SH2D4A: variants seen among roughly 807,000 people sequenced by gnomAD.
SH2D4A encodes the protein SH2 domain containing 4A.
SH2D4A carries 70 observed loss-of-function variants against 64.7 expected under a neutral mutation model. The observed-to-expected ratio is 1.08, with a 90% CI of 0.89 to 1.32. The LOEUF (loss-of-function observed/expected upper bound fraction) is 1.32, where lower values mean the gene tolerates loss of function less well. SH2D4A is among the 40% of genes most tolerant of loss of function. The pLI is 0.00. For synonymous variants in SH2D4A, 268 were observed against 200.7 expected, an observed-to-expected ratio of 1.34 and a Z score of -2.83; for missense variants, 706 against 540.1, an observed-to-expected ratio of 1.31 and a Z score of -3.04.
chr8:19,340,130 A>C (rs1254671125), intron 4 of SH2D4A, among the ~76,000 whole-genome samples: 1 of 152,146 alleles, frequency 6.6e-6, no homozygotes, highest in Non-Finnish European at 1.5e-5. Flanking sequence ...GTTCCAGCTG[A>C]GGAACAGTGT....
intron 1 of SH2D4A, among the ~76,000 whole-genome samples, chr8:19,315,874 C>T (rs1380820765): frequency 6.6e-5 from 10 of 152,220 alleles, no homozygotes; most frequent in African/African-American, 2.4e-4. Context: ...CTTCGCTTCA[C>T]AGTAGATTAT....
intron 8 of SH2D4A, among the ~76,000 whole-genome samples, chr8:19,390,652 A>G (rs2053477229): frequency 6.6e-6 from 1 of 152,186 alleles, no homozygotes; most frequent in Non-Finnish European, 1.5e-5. Context: ...TACCACTTGG[A>G]TCATTCAAAG....
chr8:19,384,090 G>A (rs181431479), intron 8 of SH2D4A, among the ~76,000 whole-genome samples: 1 of 152,242 alleles, frequency 6.6e-6, no homozygotes, highest in Admixed American at 6.5e-5. Flanking sequence ...GTGTAACTAA[G>A]CAGCACTTCA....
intron 8 of SH2D4A, among the ~76,000 whole-genome samples, chr8:19,386,035 C>T (rs570571718): frequency 6.6e-6 from 1 of 152,222 alleles, no homozygotes; most frequent in African/African-American, 2.4e-5. Context: ...ATGACTCACA[C>T]ATTTTATGGC....
intron 2 of SH2D4A, among the ~76,000 whole-genome samples, chr8:19,332,250 G>A (rs1428724490): frequency 6.6e-6 from 1 of 152,170 alleles, no homozygotes; most frequent in Non-Finnish European, 1.5e-5. Flanking sequence ...TTAGATGTAA[G>A]AATTTATGGT....
chr8:19,335,681 T>C (rs1275116784), intron 4 of SH2D4A, among the ~76,000 whole-genome samples: 1 of 152,224 alleles, frequency 6.6e-6, no homozygotes, highest in South Asian at 2.1e-4. Context: ...TTAGCCTTTT[T>C]GTTGCGGATT....
intron 1 of SH2D4A, among the ~76,000 whole-genome samples, chr8:19,317,123 G>C (rs1483012000): frequency 6.6e-6 from 1 of 152,116 alleles, no homozygotes; most frequent in Non-Finnish European, 1.5e-5. Flanking sequence ...ATCTTCTGCC[G>C]TGTGTGATTT....
At chr8:19,372,590 T>C (rs560493845) in intron 7 of SH2D4A, among the ~76,000 whole-genome samples, 4 of 152,336 alleles carry the variant, frequency 2.6e-5, no homozygotes, top group African/African-American at 7.2e-5. Flanking sequence ...CAGGTGCCTC[T>C]ACAGACAGGA....
chr8:19,380,819 T>A (rs79100563), intron 8 of SH2D4A, among the ~76,000 whole-genome samples: 1,755 of 152,262 alleles, frequency 0.012, 36 homozygotes, highest in African/African-American at 0.041. Flanking sequence ...CGTCTTCCTG[T>A]TTTTTCTTCT....
intron 1 of SH2D4A, among the ~76,000 whole-genome samples, chr8:19,316,355 G>C (rs927340506): frequency 1.3e-5 from 2 of 152,230 alleles, no homozygotes; most frequent in Non-Finnish European, 2.9e-5. Context: ...TCATCACAGA[G>C]GTGCCATGAA....
At chr8:19,382,734 G>A (rs2053315806) in intron 8 of SH2D4A, among the ~76,000 whole-genome samples, 1 of 150,136 alleles carries the variant, frequency 6.7e-6, no homozygotes, top group Non-Finnish European at 1.5e-5. Context: ...CAAAATTACT[G>A]ATGAGAAATC....
In SH2D4A at chr8:19,338,934, T is replaced by A. The variant is rs149088139; in HGVS notation, c.513+4077T>A. On this transcript the variant is annotated intron_variant, in intron 4 of 9. Coordinates refer to ENST00000265807, the MANE Select transcript of SH2D4A (RefSeq NM_022071.4). The stretch of plus-strand genomic sequence containing the variant: ...ATATGAAAGGGAGTTTATTAAGGAG[T>A]ATTGACTCACACGATCACAAGGTGA... Among the ~76,000 whole-genome samples the A allele has an allele frequency of 4.3e-3, 653 of 152,114 alleles. 4 individuals are homozygous for A. The highest frequency in any genetic ancestry group is 0.015 in the African/African-American group (628 of 41,504).
At chr8:19,386,029 C>G (rs550381475) in intron 8 of SH2D4A, among the ~76,000 whole-genome samples, 8 of 152,356 alleles carry the variant, frequency 5.3e-5, no homozygotes, top group African/African-American at 1.7e-4. Context: ...ACATGGATGA[C>G]TCACACATTT....
intron 4 of SH2D4A, among the ~76,000 whole-genome samples, chr8:19,355,169 A>C (rs2052772216): frequency 6.6e-6 from 1 of 152,162 alleles, no homozygotes; most frequent in Admixed American, 6.5e-5. Context: ...TTAAGAAAGA[A>C]GGGTTACCTG....
intron 7 of SH2D4A, among the ~76,000 whole-genome samples, chr8:19,366,597 C>G (rs895518000): frequency 2.6e-5 from 4 of 152,102 alleles, no homozygotes; most frequent in African/African-American, 9.7e-5. Flanking sequence ...GAGTTCGAGA[C>G]CAGCCCGACC....
intron 8 of SH2D4A, among the ~76,000 whole-genome samples, chr8:19,375,890 A>C (rs953947260): frequency 4.6e-5 from 7 of 152,128 alleles, no homozygotes; most frequent in African/African-American, 1.7e-4. Flanking sequence ...TTTACAATGA[A>C]AAAGTTCCAA....
chr8:19,365,787 G>A (rs752955823), intron 7 of SH2D4A, among the ~76,000 whole-genome samples: 1 of 148,602 alleles, frequency 6.7e-6, no homozygotes, highest in Non-Finnish European at 1.5e-5. Flanking sequence ...TCACCTCAGA[G>A]CCACCCCAGG....
At chr8:19,317,254 G>C (rs1314752331) in intron 1 of SH2D4A, among the ~76,000 whole-genome samples, 2 of 150,100 alleles carry the variant, frequency 1.3e-5, no homozygotes, top group East Asian at 3.9e-4. Context: ...CCTTTGAGAA[G>C]CTGCTAGAAA....
chr8:19,334,869 C>T lies in SH2D4A; in HGVS notation c.513+12C>T. The T allele has an allele frequency of 1.2e-6, 2 of 1,600,624 alleles. No individual in the cohort carries two copies. The highest frequency in any genetic ancestry group is 1.3e-5 in the African/African-American group (1 of 74,106). On this transcript the variant is annotated intron_variant, in intron 4 of 9. Transcript: ENST00000265807. ...AAGAGAAAATCCGAGTGAGTCCTTA[C>T]TGTCTGTAGACGTGCGGAATTTCAT...
Sources: allele counts gnomAD v4.1 joint callset (sites outside exome capture counted in the v4.1 genomes callset), GRCh38; gene constraint gnomAD v4.1.1; transcripts MANE v1.5; gene names NCBI Gene and HGNC (gene_info 2026-07-23, HGNC 2026-07-21).